RBFOX1: variants seen among roughly 807,000 people sequenced by gnomAD.
RBFOX1 encodes the protein RNA binding fox-1 homolog 1.
Under a neutral mutation model 57.7 loss-of-function variants are expected in RBFOX1, and 8 were observed. The ratio of observed to expected loss-of-function variants is 0.14; its 90% CI spans 0.08 to 0.25. RBFOX1 has a LOEUF of 0.25. Among genes scored for constraint, RBFOX1 ranks in the 10% least tolerant of loss-of-function variants. The pLI is 1.00. For synonymous variants in RBFOX1, 326 were observed against 222.4 expected (o/e 1.47, Z -4.15); for missense variants, 611 against 548.5 (o/e 1.11, Z -1.14).
chr16:6,120,785 G>T (rs1190392961), intron 1 of RBFOX1, among the ~76,000 whole-genome samples: 1 of 151,944 alleles, frequency 6.6e-6, no homozygotes, highest in Non-Finnish European at 1.5e-5. Context: ...TCTCCTCTTT[G>T]TAAGACGTCA....
At chr16:6,807,996 C>G (rs746791539) in intron 3 of RBFOX1, among the ~76,000 whole-genome samples, 1 of 148,298 alleles carries the variant, frequency 6.7e-6, no homozygotes, top group Non-Finnish European at 1.5e-5. Context: ...TATATATATG[C>G]ATAGAACTAT....
intron 3 of RBFOX1, among the ~76,000 whole-genome samples, chr16:5,809,622 G>C (rs1047733803): frequency 1.3e-5 from 2 of 152,184 alleles, no homozygotes; most frequent in African/African-American, 4.8e-5. Flanking sequence ...AAACCACGAT[G>C]AGATACCATC....
chr16:5,918,278 C>T (rs911818266), intron 4 of RBFOX1, among the ~76,000 whole-genome samples: 2 of 152,144 alleles, frequency 1.3e-5, no homozygotes, highest in East Asian at 3.9e-4. Context: ...TGCCACCATG[C>T]CTGGCTAATT....
intron 4 of RBFOX1, among the ~76,000 whole-genome samples, chr16:5,999,772 A>C (rs1416396010): frequency 4.0e-5 from 6 of 148,558 alleles, no homozygotes; most frequent in African/African-American, 1.5e-4. Context: ...GAGGCAGGAG[A>C]ATGGCGTGAA....
chr16:5,467,825 T>C (rs12918741), intron 2 of RBFOX1, among the ~76,000 whole-genome samples: 1 of 152,392 alleles, frequency 6.6e-6, no homozygotes, highest in African/African-American at 2.4e-5. Context: ...CACGATGTTG[T>C]ATCCACTCTT....
chr16:7,317,648 G>A (rs138173366), intron 4 of RBFOX1, among the ~76,000 whole-genome samples: 2 of 152,266 alleles, frequency 1.3e-5, no homozygotes, highest in East Asian at 1.9e-4. Flanking sequence ...AATGTCCACT[G>A]AGCAGTACCT....
chr16:7,205,087 T>C (rs989361765), intron 4 of RBFOX1, among the ~76,000 whole-genome samples: 2 of 152,180 alleles, frequency 1.3e-5, no homozygotes, highest in Non-Finnish European at 2.9e-5. Flanking sequence ...GTGGAATATT[T>C]ACTTCCCCTT....
intron 4 of RBFOX1, among the ~76,000 whole-genome samples, chr16:7,237,022 G>A (rs1318467733): frequency 6.6e-6 from 1 of 152,216 alleles, no homozygotes; most frequent in African/African-American, 2.4e-5. Flanking sequence ...GAAGGGAGAG[G>A]TTATTGCATC....
intron 1 of RBFOX1, among the ~76,000 whole-genome samples, chr16:6,232,428 G>C (rs1415083894): frequency 4.6e-5 from 7 of 152,182 alleles, no homozygotes; most frequent in Non-Finnish European, 7.3e-5. Context: ...GAATGTTTCA[G>C]CATTTTTTTC....
intron 4 of RBFOX1, among the ~76,000 whole-genome samples, chr16:5,959,193 A>T (rs1318840181): frequency 6.6e-6 from 1 of 152,216 alleles, no homozygotes; most frequent in African/African-American, 2.4e-5. Context: ...AGCATCAGAC[A>T]GTGGCTTTCT....
At chr16:7,389,411 C>A (rs2097950295) in intron 4 of RBFOX1, among the ~76,000 whole-genome samples, 1 of 152,210 alleles carries the variant, frequency 6.6e-6, no homozygotes, top group African/African-American at 2.4e-5. Context: ...CAGGCATGAG[C>A]CACAGTGCCC....
chr16:5,265,933 G>C (rs2062846463), intron 1 of RBFOX1, among the ~76,000 whole-genome samples: 1 of 152,092 alleles, frequency 6.6e-6, no homozygotes, highest in East Asian at 1.9e-4. Flanking sequence ...TCTCAGCTTT[G>C]TGGGGATCTC....
At chr16:6,991,601 A>G (rs996838849) in intron 3 of RBFOX1, among the ~76,000 whole-genome samples, 6 of 152,026 alleles carry the variant, frequency 3.9e-5, no homozygotes, top group Admixed American at 3.3e-4. Flanking sequence ...CAGTGGTGCA[A>G]TCTCAGCTCA....
At chr16:7,364,526 G>C (rs2097398358) in intron 4 of RBFOX1, among the ~76,000 whole-genome samples, 1 of 146,310 alleles carries the variant, frequency 6.8e-6, no homozygotes, top group Non-Finnish European at 1.5e-5. Flanking sequence ...TGGCAAGGGA[G>C]AGCATTTATT....
At chr16:7,043,956 T>C (rs572807618) in intron 3 of RBFOX1, among the ~76,000 whole-genome samples, 1 of 152,322 alleles carries the variant, frequency 6.6e-6, no homozygotes, top group South Asian at 2.1e-4. Context: ...CACTAATACC[T>C]TTTTCAATTC....
chr16:6,437,824 G>A (rs1391741079), intron 2 of RBFOX1, among the ~76,000 whole-genome samples: 1 of 152,138 alleles, frequency 6.6e-6, no homozygotes, highest in East Asian at 1.9e-4. Context: ...ATTATCAGGA[G>A]AACAGCATGG....
At chr16:5,426,329 G>C (rs866829365) in intron 1 of RBFOX1, among the ~76,000 whole-genome samples, 3 of 151,968 alleles carry the variant, frequency 2.0e-5, no homozygotes, top group East Asian at 1.9e-4. Flanking sequence ...TAAGCAGGAG[G>C]GTTGCTGAAT....
intron 3 of RBFOX1, among the ~76,000 whole-genome samples, chr16:5,827,532 A>G (rs776017978): frequency 6.6e-6 from 1 of 151,846 alleles, no homozygotes; most frequent in Non-Finnish European, 1.5e-5. Flanking sequence ...ACTCCGCAAG[A>G]TTTTTCTGAC....
chr16:6,617,750 C>G (rs779415653), intron 2 of RBFOX1, among the ~76,000 whole-genome samples: 27 of 151,966 alleles, frequency 1.8e-4, no homozygotes, highest in Non-Finnish European at 2.8e-4. Context: ...GCAATTTCAG[C>G]CAGAGGAAAT....
Sources: allele counts gnomAD v4.1 joint callset (sites outside exome capture counted in the v4.1 genomes callset), GRCh38; gene constraint gnomAD v4.1.1; transcripts MANE v1.5; gene names NCBI Gene and HGNC (gene_info 2026-07-23, HGNC 2026-07-21).